The following AMD1 variants were observed in gnomAD, a reference collection of about 807,000 sequenced individuals.
AMD1 encodes the protein S-adenosylmethionine decarboxylase proenzyme.
A neutral mutation model predicts 40.2 loss-of-function variants in AMD1; 11 were observed. That is an observed-to-expected ratio of 0.27 (90% CI 0.17 to 0.45). The LOEUF is 0.45. Among genes scored for constraint, AMD1 ranks in the 20% least tolerant of loss-of-function variants. The pLI, the probability that AMD1 is intolerant of heterozygous loss-of-function variation, is 1.00. For synonymous variants in AMD1, 121 were observed against 130.8 expected (o/e 0.93, Z 0.51); for missense variants, 257 against 410.2 (o/e 0.63, Z 3.23).
chr6:110,827,340 A>T, the AMD1 span, among the ~76,000 whole-genome samples: 1 of 146,942 alleles, frequency 6.8e-6, no homozygotes, highest in Non-Finnish European at 1.5e-5. Flanking sequence ...GGTGGGTTTC[A>T]CTGTGTTGCC....
chr6:110,845,359 C>T, the AMD1 span, among the ~76,000 whole-genome samples: 1 of 152,050 alleles, frequency 6.6e-6, no homozygotes, highest in Admixed American at 6.6e-5. Context: ...GACGTTTAAA[C>T]AACCAGAACT....
At chr6:110,869,223 C>T in the AMD1 span, among the ~76,000 whole-genome samples, 1 of 151,700 alleles carries the variant, frequency 6.6e-6, no homozygotes, top group South Asian at 2.1e-4. Flanking sequence ...CTCCGCCTCC[C>T]GGGGTCCCGC....
At chr6:110,860,429 T>A in the AMD1 span, among the ~76,000 whole-genome samples, 1 of 152,168 alleles carries the variant, frequency 6.6e-6, no homozygotes, top group African/African-American at 2.4e-5. Context: ...GAATAAGCCA[T>A]AAACAGAAGT....
chr6:110,825,223 G>A, the AMD1 span, among the ~76,000 whole-genome samples: 19 of 152,132 alleles, frequency 1.2e-4, no homozygotes, highest in Non-Finnish European at 2.2e-4. Flanking sequence ...TCACAATGTC[G>A]TATAACAGAA....
the AMD1 span, among the ~76,000 whole-genome samples, chr6:110,862,330 G>GTTT: frequency 5.3e-4 from 55 of 102,808 alleles, no homozygotes; most frequent in Non-Finnish European, 5.2e-4. Context: ...TGATTGTTCT[G>GTTT]TTTTTTTTTT....
At chr6:110,892,515 A>T in intron 6 of AMD1, 72 bp downstream of exon 6, 1 of 1,589,784 alleles carries the variant, frequency 6.3e-7, no homozygotes, top group Non-Finnish European at 8.6e-7. Flanking sequence ...TCATTCTGTA[A>T]CTTTTAAGTT....
At chr6:110,889,116 T>TGAAC in intron 3 of AMD1, 133 bp downstream of exon 3, 4 of 1,023,928 alleles carry the variant, frequency 3.9e-6, no homozygotes, top group African/African-American at 1.6e-5. Context: ...AAGGTGTTCA[T>TGAAC]ACCTTAGGAA....
At chr6:110,860,815 A>G in the AMD1 span, among the ~76,000 whole-genome samples, 84 of 145,846 alleles carry the variant, frequency 5.8e-4, no homozygotes, top group African/African-American at 2.1e-3. Context: ...AAAAACAAAA[A>G]CAAAACAAAA....
At chr6:110,880,141 AAGAC>A (rs1785321982) in intron 1 of AMD1, among the ~76,000 whole-genome samples, 3 of 152,112 alleles carry the variant, frequency 2.0e-5, no homozygotes, top group African/African-American at 7.2e-5. Flanking sequence ...TTTTTAGTAA[AAGAC>A]AGGGTTTCGC....
the AMD1 span, among the ~76,000 whole-genome samples, chr6:110,851,436 GTTTGTT>G: frequency 6.6e-6 from 1 of 151,284 alleles, no homozygotes; most frequent in African/African-American, 2.4e-5. Flanking sequence ...GGGGTTTTTT[GTTTGTT>G]TTTGTTGTTG....
the AMD1 span, among the ~76,000 whole-genome samples, chr6:110,830,256 C>T: frequency 6.6e-6 from 1 of 152,024 alleles, no homozygotes; most frequent in African/African-American, 2.4e-5. Context: ...CCTCATGATC[C>T]GCCCACCTGA....
At chr6:110,828,947 A>G in the AMD1 span, among the ~76,000 whole-genome samples, 1 of 152,090 alleles carries the variant, frequency 6.6e-6, no homozygotes, top group African/African-American at 2.4e-5. Flanking sequence ...CAAGGCGTGC[A>G]GATAACAAAG....
upstream of AMD1, among the ~76,000 whole-genome samples, chr6:110,874,349 C>T (rs2115263837): frequency 6.6e-6 from 1 of 152,322 alleles, no homozygotes; most frequent in African/African-American, 2.4e-5. Context: ...CCTCAGCAGT[C>T]GCGGTGAACT....
intron 3 of AMD1, 61 bp downstream of exon 3, chr6:110,889,044 T>G: frequency 6.3e-7 from 1 of 1,574,826 alleles, no homozygotes; most frequent in South Asian, 1.2e-5. Context: ...TATCCTGTAA[T>G]ATGCGAAGTA....
chr6:110,856,795 T>A, the AMD1 span, among the ~76,000 whole-genome samples: 1 of 152,192 alleles, frequency 6.6e-6, no homozygotes. Flanking sequence ...AAGGGTCAGA[T>A]CATATCAGCT....
intron 1 of AMD1, among the ~76,000 whole-genome samples, chr6:110,877,418 C>G (rs1281123961): frequency 6.6e-6 from 1 of 152,274 alleles, no homozygotes; most frequent in African/African-American, 2.4e-5. Context: ...CTAAAATCAA[C>G]AGCCTAGCAA....
At chr6:110,837,826 G>A in the AMD1 span, among the ~76,000 whole-genome samples, 2 of 141,244 alleles carry the variant, frequency 1.4e-5, no homozygotes, top group African/African-American at 5.3e-5. Flanking sequence ...ACTTTGGGAG[G>A]CAGAGGTGGG....
At chr6:110,827,342 T>C in the AMD1 span, among the ~76,000 whole-genome samples, 12 of 151,886 alleles carry the variant, frequency 7.9e-5, no homozygotes, top group East Asian at 2.4e-3. Context: ...TGGGTTTCAC[T>C]GTGTTGCCCA....
At chr6:110,845,544 G>A in the AMD1 span, among the ~76,000 whole-genome samples, 1 of 152,104 alleles carries the variant, frequency 6.6e-6, no homozygotes, top group Non-Finnish European at 1.5e-5. Flanking sequence ...TGGCTTCATG[G>A]GCATACAGGC....
Sources: allele counts gnomAD v4.1 joint callset (sites outside exome capture counted in the v4.1 genomes callset), GRCh38; gene constraint gnomAD v4.1.1; transcripts MANE v1.5; gene names NCBI Gene and HGNC (gene_info 2026-07-23, HGNC 2026-07-21).